The following TTLL5 variants were observed in gnomAD, a reference collection of about 807,000 sequenced individuals.
TTLL5 encodes the protein tubulin polyglutamylase TTLL5.
In TTLL5, 132 loss-of-function variants were observed where a neutral mutation model predicts 168.4. That is an observed-to-expected ratio of 0.78 (90% CI 0.68 to 0.91). The LOEUF (loss-of-function observed/expected upper bound fraction) is 0.91. Among genes scored for constraint, TTLL5 ranks in the 40% least tolerant of loss-of-function variants. The pLI is 0.00. For synonymous variants in TTLL5, 546 were observed against 558.6 expected (o/e 0.98, Z 0.32); for missense variants, 1,545 against 1,581.5 (o/e 0.98, Z 0.39).
chr14:75,927,748 C>G (rs892220894), intron 31 of TTLL5, among the ~76,000 whole-genome samples: 1 of 152,120 alleles, frequency 6.6e-6, no homozygotes, highest in Non-Finnish European at 1.5e-5. Context: ...CTCTCTTTTT[C>G]CCTGTTTGGA....
intron 27 of TTLL5, among the ~76,000 whole-genome samples, chr14:75,793,455 C>T (rs1385920172): frequency 6.6e-6 from 1 of 151,838 alleles, no homozygotes; most frequent in African/African-American, 2.4e-5. Flanking sequence ...ATCTTTTTAC[C>T]AGAATTTTAT....
In TTLL5 at chr14:75,714,176, T is replaced by G. The variant is rs186608051; in HGVS notation, c.741-3685T>G. Among the ~76,000 whole-genome samples, 949 of 152,276 alleles carry G rather than the reference T, an allele frequency of 6.2e-3. 7 individuals carry two copies. Among genetic ancestry groups the G allele is most frequent in the Non-Finnish European group, 9.4e-3 (640 of 68,016 alleles). On this transcript the variant is annotated intron_variant, in intron 9 of 31. Coordinates refer to ENST00000298832, the MANE Select transcript of TTLL5 (RefSeq NM_015072.5). ...CATGAAGAGACCTAGGTAATGCATT[T>G]GGGGCCAGAATACCACAAAAGTGAT...
At chr14:75,764,956 A>G (rs1890874975) in intron 19 of TTLL5, among the ~76,000 whole-genome samples, 184 bp downstream of exon 19, 1 of 152,186 alleles carries the variant, frequency 6.6e-6, no homozygotes, top group African/African-American at 2.4e-5. Flanking sequence ...CCACTCTATA[A>G]TATTTGTATT....
intron 26 of TTLL5, 80 bp from the exon 27 acceptor site, chr14:75,792,836 C>A: frequency 7.8e-7 from 1 of 1,289,724 alleles, no homozygotes; most frequent in Non-Finnish European, 1.0e-6. Context: ...TATCTGTTGA[C>A]CTGAGATTTC....
chr14:75,793,184 A>G, intron 27 of TTLL5, 84 bp downstream of exon 27: 1 of 1,339,128 alleles, frequency 7.5e-7, no homozygotes. Context: ...CCCTGTCTTT[A>G]CTATTCCCAT....
At position 75,720,578 on chromosome 14, in the gene TTLL5, A is replaced by G; in HGVS notation, c.935-18A>G. 3 of 1,590,850 alleles carry G rather than the reference A, an allele frequency of 1.9e-6. No individual in the cohort carries two copies. Among genetic ancestry groups the G allele is most frequent in the Non-Finnish European group, 2.6e-6 (3 of 1,160,058 alleles). On this transcript the variant is annotated intron_variant, in intron 11 of 31. Transcript: ENST00000298832. ...TATTTTGATATTGAGTCTGAAATTT[A>G]AAAATTTTTGTTTGCAGCATTGATG...
At chr14:75,668,446 C>G (rs1482017861) in intron 2 of TTLL5, among the ~76,000 whole-genome samples, 1 of 152,128 alleles carries the variant, frequency 6.6e-6, no homozygotes, top group Non-Finnish European at 1.5e-5. Context: ...AGTTTAAATC[C>G]TGGCACATAG....
At chr14:75,770,191 A>AAG (rs1373591886) in intron 20 of TTLL5, among the ~76,000 whole-genome samples, 4 of 151,236 alleles carry the variant, frequency 2.6e-5, no homozygotes, top group African/African-American at 9.7e-5. Flanking sequence ...AAAAAAAAAA[A>AAG]AAAAAAAGAA....
At chr14:75,690,419 TCCAA>T in intron 6 of TTLL5, 97 bp downstream of exon 6, 1 of 1,435,090 alleles carries the variant, frequency 7.0e-7, no homozygotes, top group Non-Finnish European at 9.3e-7. Context: ...ATCAGGGCTT[TCCAA>T]ATCCTTAGAC....
intron 15 of TTLL5, among the ~76,000 whole-genome samples, chr14:75,739,171 A>AG (rs1889093563): frequency 6.6e-6 from 1 of 151,886 alleles, no homozygotes; most frequent in Admixed American, 6.6e-5. Context: ...ATCTAGTTGC[A>AG]TTGCTTGAAT....
chr14:75,915,789 A>C (rs2033594343), intron 31 of TTLL5, among the ~76,000 whole-genome samples: 1 of 151,776 alleles, frequency 6.6e-6, no homozygotes, highest in African/African-American at 2.4e-5. Flanking sequence ...ATCAGAACCC[A>C]TGGTGAGATA....
chr14:75,835,897 G>A (rs963014131), intron 28 of TTLL5, among the ~76,000 whole-genome samples: 3 of 152,144 alleles, frequency 2.0e-5, no homozygotes, highest in African/African-American at 7.2e-5. Context: ...AAGTAATGAT[G>A]CTGGCGAGGA....
intron 15 of TTLL5, among the ~76,000 whole-genome samples, chr14:75,742,437 C>G (rs1027779531): frequency 2.6e-5 from 4 of 151,946 alleles, no homozygotes; most frequent in African/African-American, 9.7e-5. Context: ...CTCTTGTCAC[C>G]CAGGCTGGAG....
chr14:75,887,168 A>G, intron 30 of TTLL5: 2 of 1,018,478 alleles, frequency 2.0e-6, no homozygotes, highest in Non-Finnish European at 2.3e-6. Flanking sequence ...GAGGAAAGCC[A>G]TCAGGACTGG....
At chr14:75,810,340 T>A (rs1414975122) in intron 27 of TTLL5, among the ~76,000 whole-genome samples, 4 of 148,176 alleles carry the variant, frequency 2.7e-5, no homozygotes. Context: ...AATCATCTTC[T>A]CTCTCTCTCT....
chr14:75,818,423 T>G, intron 27 of TTLL5: 1 of 379,176 alleles, frequency 2.6e-6, no homozygotes, highest in Non-Finnish European at 5.0e-6. Context: ...ATATTGTGAT[T>G]TTTGCTACCA....
rs144897895 is a variant in TTLL5 at position 75,946,234 on chromosome 14, A to G, written c.3824-8190A>G. Among the ~76,000 whole-genome samples, 3 of 152,370 alleles carry G rather than the reference A, an allele frequency of 2.0e-5. No homozygotes were observed. The East Asian group carries it at 5.8e-4, about 29-fold the overall frequency. On this transcript the variant is annotated intron_variant, in intron 31 of 31. Coordinates refer to ENST00000298832, the MANE Select transcript of TTLL5 (RefSeq NM_015072.5). ...ATGAAAATGTCCAAACCATCATATC[A>G]TGTAACTCAAGGAGAGCAGATGTTC...
chr14:75,830,726 GTAT>G (rs1187451240), intron 28 of TTLL5, among the ~76,000 whole-genome samples: 1 of 152,166 alleles, frequency 6.6e-6, no homozygotes, highest in Admixed American at 6.5e-5. Context: ...TCACTTAAGT[GTAT>G]GTTGTCTTAT....
chr14:75,884,675 A>C (rs2032004961), intron 30 of TTLL5, among the ~76,000 whole-genome samples: 1 of 152,182 alleles, frequency 6.6e-6, no homozygotes, highest in Admixed American at 6.5e-5. Flanking sequence ...TTTGCCTCTA[A>C]AACTCTAGGA....
Sources: allele counts gnomAD v4.1 joint callset (sites outside exome capture counted in the v4.1 genomes callset), GRCh38; gene constraint gnomAD v4.1.1; transcripts MANE v1.5; gene names NCBI Gene and HGNC (gene_info 2026-07-23, HGNC 2026-07-21).